Variants in CTNNA2 observed in about 807,000 individuals in gnomAD.
The protein encoded by CTNNA2 is catenin alpha 2.
CTNNA2 carries 42 observed loss-of-function variants against 101.0 expected under a neutral mutation model. The observed-to-expected ratio is 0.42, with a 90% confidence interval of 0.32 to 0.54. The LOEUF is 0.54. Among genes scored for constraint, CTNNA2 ranks in the 20% least tolerant of loss-of-function variants. The pLI is 0.14. For missense variants in CTNNA2, 871 were observed against 1,223.1 expected, an observed-to-expected ratio of 0.71 and a Z score of 4.29; for synonymous variants, 450 against 456.4, an observed-to-expected ratio of 0.99 and a Z score of 0.18.
At chr2:79,705,864 GC>G (rs1311038813) in intron 2 of CTNNA2, among the ~76,000 whole-genome samples, 1 of 152,176 alleles carries the variant, frequency 6.6e-6, no homozygotes, top group Non-Finnish European at 1.5e-5. Context: ...GAGCTATCCA[GC>G]TGGGGAGATT....
intron 9 of CTNNA2, among the ~76,000 whole-genome samples, chr2:80,465,162 T>C (rs993301629): frequency 3.9e-5 from 6 of 152,142 alleles, no homozygotes; most frequent in Non-Finnish European, 8.8e-5. Flanking sequence ...TACAATCAGG[T>C]AGGCTCTCTA....
chr2:79,528,197 TTTTTC>T (rs71385277), intron 1 of CTNNA2, among the ~76,000 whole-genome samples: 89,872 of 149,554 alleles, frequency 0.6, 27,291 homozygotes, highest in Non-Finnish European at 0.66. Context: ...ACACGTTCTC[TTTTTC>T]TTTTCTTTTC....
At chr2:80,328,296 T>C (rs537331082) in intron 7 of CTNNA2, 12 of 471,172 alleles carry the variant, frequency 2.5e-5, no homozygotes, top group African/African-American at 2.4e-4. Flanking sequence ...TGCTCTGTCC[T>C]GAATGAGGAA....
intron 8 of CTNNA2, among the ~76,000 whole-genome samples, chr2:80,408,832 G>A (rs1424044483): frequency 6.6e-6 from 1 of 152,064 alleles, no homozygotes; most frequent in African/African-American, 2.4e-5. Flanking sequence ...AAGTAAAATG[G>A]CACTACTATT....
chr2:80,366,438 G>T (rs67615483), intron 7 of CTNNA2, among the ~76,000 whole-genome samples: 13,288 of 152,114 alleles, frequency 0.087, 929 homozygotes, highest in African/African-American at 0.2. Flanking sequence ...GCATGCATTT[G>T]TTTGTATAAA....
intron 7 of CTNNA2, among the ~76,000 whole-genome samples, chr2:79,976,099 C>A (rs763783501): frequency 6.6e-5 from 10 of 152,138 alleles, no homozygotes; most frequent in Non-Finnish European, 1.5e-4. Flanking sequence ...TCTGGAAATT[C>A]TAAGGGTTTT....
chr2:80,174,575 G>T (rs916131679), intron 7 of CTNNA2, among the ~76,000 whole-genome samples: 6 of 152,084 alleles, frequency 3.9e-5, no homozygotes, highest in Non-Finnish European at 7.4e-5. Context: ...TTGCTATTCT[G>T]AGTTCCTAAC....
intron 7 of CTNNA2, among the ~76,000 whole-genome samples, chr2:79,996,815 G>A (rs957722487): frequency 2.0e-4 from 30 of 152,150 alleles, no homozygotes; most frequent in African/African-American, 7.0e-4. Context: ...GGGAGCGATA[G>A]GAAACCTGCT....
intron 7 of CTNNA2, among the ~76,000 whole-genome samples, chr2:80,020,301 G>A (rs1319990117): frequency 6.6e-6 from 1 of 152,176 alleles, no homozygotes; most frequent in Admixed American, 6.5e-5. Flanking sequence ...TTGTATACAA[G>A]GGGGTGTTGC....
chr2:80,611,901 GA>G, intron 17 of CTNNA2, among the ~76,000 whole-genome samples: 1 of 151,594 alleles, frequency 6.6e-6, no homozygotes, highest in Non-Finnish European at 1.5e-5. Flanking sequence ...CAATGTTCAG[GA>G]TGTAATTTAT....
intron 7 of CTNNA2, chr2:80,028,230 T>C (rs1382776373): frequency 6.6e-6 from 1 of 152,168 alleles, no homozygotes; most frequent in Non-Finnish European, 1.5e-5. Flanking sequence ...TTAGTCTTTT[T>C]TTCCTCCCTC....
intron 4 of CTNNA2, among the ~76,000 whole-genome samples, chr2:79,458,236 T>C (rs561303225): frequency 6.6e-6 from 1 of 152,376 alleles, no homozygotes; most frequent in South Asian, 2.1e-4. Flanking sequence ...CTTCACATGA[T>C]TTAACTATTC....
chr2:80,554,725 T>C (rs1422662217), intron 11 of CTNNA2, among the ~76,000 whole-genome samples: 1 of 152,286 alleles, frequency 6.6e-6, no homozygotes, highest in Non-Finnish European at 1.5e-5. Context: ...ATATGAATTT[T>C]AAGGGAATAA....
At chr2:79,566,750 T>G (rs1675139369) in intron 1 of CTNNA2, among the ~76,000 whole-genome samples, 1 of 152,164 alleles carries the variant, frequency 6.6e-6, no homozygotes, top group South Asian at 2.1e-4. Flanking sequence ...TTTCTTATCT[T>G]TTTTTGGGTA....
intron 9 of CTNNA2, among the ~76,000 whole-genome samples, chr2:80,541,537 CA>C: frequency 6.6e-6 from 1 of 152,240 alleles, no homozygotes; most frequent in Non-Finnish European, 1.5e-5. Flanking sequence ...AAAAGATACA[CA>C]AAGAAAAGTT....
chr2:79,414,959 T>C (rs1391285775), intron 4 of CTNNA2, among the ~76,000 whole-genome samples: 2 of 152,140 alleles, frequency 1.3e-5, no homozygotes, highest in Non-Finnish European at 2.9e-5. Flanking sequence ...ATACACAATG[T>C]ATTGTTTGAC....
At chr2:80,287,727 C>T (rs947079826) in intron 7 of CTNNA2, among the ~76,000 whole-genome samples, 2 of 152,152 alleles carry the variant, frequency 1.3e-5, no homozygotes, top group Non-Finnish European at 2.9e-5. Context: ...AACTGGGGCT[C>T]ATATTGAAGT....
intron 1 of CTNNA2, among the ~76,000 whole-genome samples, chr2:79,584,269 A>G (rs1192521394): frequency 6.6e-6 from 1 of 152,186 alleles, no homozygotes; most frequent in Non-Finnish European, 1.5e-5. Flanking sequence ...CCTATGGTTC[A>G]TAAAAAGAGG....
chr2:80,200,615 A>G (rs926675142), intron 7 of CTNNA2, among the ~76,000 whole-genome samples: 2 of 152,046 alleles, frequency 1.3e-5, no homozygotes, highest in Admixed American at 1.3e-4. Context: ...GGCTCACTGC[A>G]ATCTCCACCT....
Sources: gnomAD v4.1 joint callset for allele counts (sites outside exome capture counted in the v4.1 genomes callset) on GRCh38, gnomAD v4.1.1 for gene constraint, MANE v1.5 for transcripts, NCBI Gene and HGNC (gene_info 2026-07-23, HGNC 2026-07-21) for gene names.